TENM1: variants seen among roughly 807,000 people sequenced by gnomAD.
TENM1 encodes the protein teneurin transmembrane protein 1.
In TENM1, 35 loss-of-function variants were observed where a neutral mutation model predicts 174.8. The observed-to-expected ratio is 0.20, with a 90% CI of 0.15 to 0.27. TENM1 has a LOEUF of 0.27. Among genes scored for constraint, TENM1 ranks in the 10% least tolerant of loss-of-function variants. The pLI is 1.00. For missense variants in TENM1, 1,633 were observed against 2,130.1 expected (o/e 0.77, Z 4.59); for synonymous variants, 781 against 798.7 (o/e 0.98, Z 0.37).
intron 6 of TENM1, among the ~76,000 whole-genome samples, chrX:124,662,517 A>T (rs1315328268): frequency 9.2e-6 from 1 of 108,869 alleles, no homozygotes; most frequent in African/African-American, 3.4e-5. Flanking sequence ...AACTAATAAC[A>T]TGACCCAACT....
At chrX:124,849,013 G>T (rs937164531) in intron 3 of TENM1, among the ~76,000 whole-genome samples, 1 of 111,187 alleles carries the variant, frequency 9.0e-6, no homozygotes, top group African/African-American at 3.3e-5. Flanking sequence ...ATAATCATGT[G>T]TTACTTACGT....
chrX:124,425,157 T>A (rs2060697064), intron 23 of TENM1, among the ~76,000 whole-genome samples: 1 of 112,237 alleles, frequency 8.9e-6, no homozygotes, highest in Admixed American at 9.5e-5. Context: ...GATAGACACT[T>A]AGGTTGAGTT....
the TENM1 span, among the ~76,000 whole-genome samples, chrX:124,972,670 C>T: frequency 9.8e-5 from 11 of 112,011 alleles, no homozygotes; most frequent in Admixed American, 2.9e-4. Context: ...TGGAAACAGC[C>T]ATAACATTTT....
chrX:125,153,772 G>A, the TENM1 span, among the ~76,000 whole-genome samples: 1 of 112,453 alleles, frequency 8.9e-6, no homozygotes, highest in East Asian at 2.8e-4. Flanking sequence ...ACTTGGAAAG[G>A]ATTTGAATGT....
At chrX:124,593,950 T>A (rs1220546447) in intron 11 of TENM1, among the ~76,000 whole-genome samples, 1 of 112,307 alleles carries the variant, frequency 8.9e-6, no homozygotes, top group Non-Finnish European at 1.9e-5. Flanking sequence ...CTAAAATGCT[T>A]GTGTGGCCAC....
chrX:124,409,279 C>A (rs2060502609), intron 25 of TENM1, among the ~76,000 whole-genome samples: 1 of 111,403 alleles, frequency 9.0e-6, no homozygotes, highest in Non-Finnish European at 1.9e-5. Flanking sequence ...AGTTTACAGT[C>A]CCACCACCAG....
At chrX:124,534,595 T>C (rs1225114592) in intron 15 of TENM1, among the ~76,000 whole-genome samples, 1 of 112,420 alleles carries the variant, frequency 8.9e-6, no homozygotes, top group African/African-American at 3.2e-5. Context: ...TTTCCTTTTG[T>C]TGCTAACAGG....
the TENM1 span, among the ~76,000 whole-genome samples, chrX:125,168,051 G>C: frequency 9.0e-6 from 1 of 111,560 alleles, no homozygotes; most frequent in Non-Finnish European, 1.9e-5. Flanking sequence ...CTGTGTGTTT[G>C]TCATATTGTA....
At chrX:124,955,038 C>T (rs956144350) in intron 1 of TENM1, among the ~76,000 whole-genome samples, 1 of 112,072 alleles carries the variant, frequency 8.9e-6, no homozygotes, top group Non-Finnish European at 1.9e-5. Flanking sequence ...AGTGAACATT[C>T]CCCTTTCAAA....
At chrX:124,910,987 C>T (rs2057826946) in intron 1 of TENM1, among the ~76,000 whole-genome samples, 1 of 109,719 alleles carries the variant, frequency 9.1e-6, no homozygotes, top group Non-Finnish European at 1.9e-5. Context: ...GCGATCACAG[C>T]TCACTGCAGC....
At chrX:124,421,801 C>T (rs796201536) in intron 24 of TENM1, among the ~76,000 whole-genome samples, 2 of 111,456 alleles carry the variant, frequency 1.8e-5, no homozygotes, top group South Asian at 7.6e-4. Context: ...TCTCAAATAG[C>T]ACATGCTTTT....
chrX:125,096,329 G>A, the TENM1 span, among the ~76,000 whole-genome samples: 1 of 112,013 alleles, frequency 8.9e-6, no homozygotes, highest in African/African-American at 3.2e-5. Context: ...GAAGTCAAAG[G>A]TCAGTTTTAT....
intron 3 of TENM1, among the ~76,000 whole-genome samples, chrX:124,807,544 A>G (rs1454305583): frequency 8.9e-6 from 1 of 112,116 alleles, no homozygotes; most frequent in Admixed American, 9.5e-5. Context: ...AGAATAATCT[A>G]AAACTATAAT....
intron 16 of TENM1, among the ~76,000 whole-genome samples, chrX:124,525,895 T>A (rs1024352161): frequency 3.6e-5 from 4 of 112,368 alleles, no homozygotes; most frequent in Admixed American, 1.9e-4. Flanking sequence ...AACTGTTACA[T>A]TTCTTCTCAA....
intron 11 of TENM1, among the ~76,000 whole-genome samples, chrX:124,569,090 C>T (rs774994748): frequency 6.9e-4 from 76 of 110,693 alleles, no homozygotes; most frequent in Non-Finnish European, 2.5e-4. Context: ...TACAGCTACT[C>T]AAGAAGTTGA....
chrX:124,446,656 CTT>C (rs768822319), intron 23 of TENM1, among the ~76,000 whole-genome samples: 49 of 112,235 alleles, frequency 4.4e-4, no homozygotes, highest in African/African-American at 1.5e-3. Context: ...TGTTGGAGAT[CTT>C]TTGGTTTTGA....
chrX:124,947,771 C>A (rs973529320), intron 1 of TENM1, among the ~76,000 whole-genome samples: 5 of 111,686 alleles, frequency 4.5e-5, no homozygotes, highest in Non-Finnish European at 9.4e-5. Context: ...TCAGAAGTCA[C>A]CTATGAAGTT....
intron 11 of TENM1, among the ~76,000 whole-genome samples, chrX:124,631,911 C>CTGTG (rs2050766238): frequency 1.0e-5 from 1 of 97,028 alleles, no homozygotes; most frequent in Non-Finnish European, 2.0e-5. Flanking sequence ...AAAAAAAAAT[C>CTGTG]CATACAGTTT....
chrX:125,185,330 A>C, the TENM1 span, among the ~76,000 whole-genome samples: 1 of 111,603 alleles, frequency 9.0e-6, no homozygotes, highest in African/African-American at 3.3e-5. Context: ...GTTCCTACAC[A>C]CTCTGCAGAT....
Sources: allele counts gnomAD v4.1 joint callset (sites outside exome capture counted in the v4.1 genomes callset), GRCh38; gene constraint gnomAD v4.1.1; transcripts MANE v1.5; gene names NCBI Gene and HGNC (gene_info 2026-07-23, HGNC 2026-07-21).